Variants in BMPER observed in about 807,000 individuals in gnomAD.
BMPER encodes the protein BMP binding endothelial regulator.
BMPER carries 45 observed loss-of-function variants against 87.3 expected under a neutral mutation model. The ratio of observed to expected loss-of-function variants is 0.52; its 90% confidence interval spans 0.41 to 0.66. The LOEUF (loss-of-function observed/expected upper bound fraction) is 0.66. BMPER is among the 30% of genes least tolerant of loss of function. BMPER has a pLI of 0.00. For synonymous variants in BMPER, 326 were observed against 316.2 expected (o/e 1.03, Z -0.33); for missense variants, 784 against 867.5 (o/e 0.90, Z 1.21).
At position 34,140,728 on chromosome 7, in the gene BMPER, G is replaced by A. The variant is rs1185336147; in HGVS notation, c.1746-2502G>A. On this transcript the variant is annotated intron_variant, in intron 13 of 14. Transcript: ENST00000649409. ...TTCATAAGACACGTAGAAATCAAGA[G>A]AAAAGGAAAGCATTCACTAACAATC... is the stretch of plus-strand genomic sequence containing the variant. Among the ~76,000 whole-genome samples, 7 of 152,214 alleles carry A rather than the reference G, an allele frequency of 4.6e-5. No homozygotes were observed. In the East Asian group the frequency reaches 1.2e-3, roughly 25 times the overall value.
At chr7:33,919,983 T>C (rs1428624503) in intron 2 of BMPER, among the ~76,000 whole-genome samples, 1 of 147,326 alleles carries the variant, frequency 6.8e-6, no homozygotes, top group Non-Finnish European at 1.5e-5. Flanking sequence ...TGGATAATGG[T>C]TTTAGTTTGG....
chr7:34,077,392 C>T (rs1208946846), intron 11 of BMPER, among the ~76,000 whole-genome samples: 1 of 152,114 alleles, frequency 6.6e-6, no homozygotes, highest in Non-Finnish European at 1.5e-5. Flanking sequence ...AAGAAAGGAA[C>T]AGAAAGGGAG....
At chr7:33,950,599 A>G (rs1436785144) in intron 3 of BMPER, among the ~76,000 whole-genome samples, 1 of 152,146 alleles carries the variant, frequency 6.6e-6, no homozygotes, top group Non-Finnish European at 1.5e-5. Context: ...CTTTAAAGCC[A>G]GCAAGAGAGG....
At chr7:34,107,304 G>A (rs1269843649) in intron 13 of BMPER, among the ~76,000 whole-genome samples, 3 of 152,234 alleles carry the variant, frequency 2.0e-5, no homozygotes, top group Non-Finnish European at 2.9e-5. Flanking sequence ...AACTATGGGT[G>A]TGGCAACTCA....
intron 11 of BMPER, among the ~76,000 whole-genome samples, chr7:34,077,293 T>C (rs1463018176): frequency 6.6e-6 from 1 of 151,922 alleles, no homozygotes; most frequent in Non-Finnish European, 1.5e-5. Flanking sequence ...TGAGAAGATA[T>C]GGAGTTAGGA....
intron 12 of BMPER, among the ~76,000 whole-genome samples, chr7:34,082,018 A>G (rs1178088438): frequency 6.6e-6 from 1 of 152,218 alleles, no homozygotes; most frequent in Non-Finnish European, 1.5e-5. Flanking sequence ...GCTAGGTCAC[A>G]TATTTGAAGG....
intron 11 of BMPER, among the ~76,000 whole-genome samples, chr7:34,069,342 G>A (rs1465321869): frequency 6.6e-6 from 1 of 152,180 alleles, no homozygotes; most frequent in Non-Finnish European, 1.5e-5. Flanking sequence ...CCTCTTTGGA[G>A]GTCACATCTC....
At chr7:34,053,079 C>T (rs1055221486) in intron 8 of BMPER, among the ~76,000 whole-genome samples, 9 of 152,184 alleles carry the variant, frequency 5.9e-5, no homozygotes, top group African/African-American at 1.9e-4. Flanking sequence ...AATTCTCTTG[C>T]TCACAGGAAA....
At chr7:34,089,196 C>T (rs966673884) in intron 13 of BMPER, among the ~76,000 whole-genome samples, 4 of 152,058 alleles carry the variant, frequency 2.6e-5, no homozygotes, top group Non-Finnish European at 5.9e-5. Context: ...TCCCCCCATT[C>T]TCCAAAAAAT....
intron 13 of BMPER, among the ~76,000 whole-genome samples, chr7:34,091,377 G>A (rs1443043682): frequency 6.6e-6 from 1 of 152,190 alleles, no homozygotes; most frequent in Admixed American, 6.5e-5. Flanking sequence ...GACTTGTCAA[G>A]AACTGCCATT....
Position 34,038,732 on chromosome 7 carries a change from A to C in BMPER, c.577-7574A>C, listed in dbSNP as rs1787752940. On this transcript the variant is annotated intron_variant, in intron 6 of 14. Coordinates refer to ENST00000649409, the MANE Select transcript of BMPER (RefSeq NM_001365308.1). ...TTGTCAGCCCCATAGACCCTTTCTC[A>C]GGGGTCTTTGTTTGCTATTTTTATG... is the stretch of plus-strand genomic sequence containing the variant. 2.0e-5 allele frequency among the ~76,000 whole-genome samples: 3 copies of C among 152,128 alleles called. No individual in the cohort carries two copies. In the South Asian group the frequency reaches 6.2e-4, roughly 31 times the overall value.
At chr7:33,968,346 C>T (rs1392355892) in intron 4 of BMPER, among the ~76,000 whole-genome samples, 2 of 152,184 alleles carry the variant, frequency 1.3e-5, no homozygotes, top group Admixed American at 1.3e-4. Flanking sequence ...CCTTTCCTGA[C>T]TTGCTTCCTT....
chr7:34,058,279 T>A, intron 10 of BMPER, 116 bp downstream of exon 10: 1 of 963,026 alleles, frequency 1.0e-6, no homozygotes, highest in Non-Finnish European at 1.6e-6. Context: ...GCCTCTACAT[T>A]CCTGACTAGT....
chr7:34,055,814 T>G (rs1487588462), intron 9 of BMPER, among the ~76,000 whole-genome samples: 1 of 152,374 alleles, frequency 6.6e-6, no homozygotes, highest in East Asian at 1.9e-4. Context: ...AAAGGTTGTC[T>G]TTTGGCCATC....
chr7:34,094,575 G>A lies in BMPER; in HGVS notation c.1745+8483G>A, dbSNP rs115559849. Among the ~76,000 whole-genome samples the A allele has an allele frequency of 7.2e-5, 11 of 152,330 alleles. No homozygotes were observed. In the South Asian group the frequency reaches 1.9e-3, roughly 26 times the overall value. The stretch of plus-strand genomic sequence containing the variant: ...TAGAAAAGGACAAGTACAATGGTAC[G>A]AATGAGTGTGGTACAGGTGTCAAGT... On this transcript the variant is annotated intron_variant, in intron 13 of 14. Coordinates refer to ENST00000649409, the MANE Select transcript of BMPER (RefSeq NM_001365308.1).
At chr7:33,917,820 C>T (rs1784122519) in intron 2 of BMPER, among the ~76,000 whole-genome samples, 2 of 152,118 alleles carry the variant, frequency 1.3e-5, no homozygotes, top group African/African-American at 2.4e-5. Flanking sequence ...GGCAAGCACC[C>T]TATTTTTAGA....
rs1791292590 is a variant in BMPER, at chr7:34,155,876, T to G, written c.*2603T>G. The G allele has an allele frequency of 6.6e-6, 1 of 152,212 alleles. No homozygotes were observed. Among genetic ancestry groups the G allele is most frequent in the Admixed American group, 6.5e-5 (1 of 15,278 alleles). The allele number at this position is 152,212 out of a possible 1,614,324, so 9.4% of individuals were successfully genotyped here. On this transcript the variant is annotated 3_prime_UTR_variant, in exon 15 of 15. Coordinates refer to ENST00000649409, the MANE Select transcript of BMPER (RefSeq NM_001365308.1). Reference sequence around the variant, plus strand: ...TAAAAATGTTCTATGAATATTGAATTTGATGAGAAACAAGCACCCTCAATG... The same window carrying G: ...TAAAAATGTTCTATGAATATTGAATGTGATGAGAAACAAGCACCCTCAATG...
intron 6 of BMPER, among the ~76,000 whole-genome samples, chr7:33,975,883 A>G (rs1470826448): frequency 6.6e-6 from 1 of 152,122 alleles, no homozygotes; most frequent in African/African-American, 2.4e-5. Context: ...CCTAGAGAAT[A>G]CAGATTAGAG....
At position 34,001,271 on chromosome 7, in the gene BMPER, G is replaced by A. The variant is rs532023797; in HGVS notation, c.576+26487G>A. Among the ~76,000 whole-genome samples the A allele has an allele frequency of 3.3e-5, 5 of 151,908 alleles. No individual in the cohort carries two copies. The South Asian group carries it at 1.0e-3, about 32-fold the overall frequency. On this transcript the variant is annotated intron_variant, in intron 6 of 14. Transcript: ENST00000649409. The stretch of plus-strand genomic sequence containing the variant: ...TTAATTGTTTTTTAAACATTTGATA[G>A]AATTCAACAGTAAAGCTACCTGGGC...
Sources: allele counts gnomAD v4.1 joint callset (sites outside exome capture counted in the v4.1 genomes callset), GRCh38; gene constraint gnomAD v4.1.1; transcripts MANE v1.5; gene names NCBI Gene and HGNC (gene_info 2026-07-23, HGNC 2026-07-21).